Variants in SLC10A7 observed in about 807,000 individuals in gnomAD.
The protein encoded by SLC10A7 is solute carrier family 10 member 7, also known as sodium/bile acid cotransporter 7.
SLC10A7 carries 29 observed loss-of-function variants against 43.2 expected under a neutral mutation model. The ratio of observed to expected loss-of-function variants is 0.67; its 90% CI spans 0.50 to 0.92. SLC10A7 has a LOEUF of 0.92. SLC10A7 is among the 40% of genes least tolerant of loss of function. SLC10A7 has a pLI of 0.00. For missense variants in SLC10A7, 295 were observed against 403.2 expected (o/e 0.73, Z 2.30); for synonymous variants, 152 against 144.8 (o/e 1.05, Z -0.35).
intron 10 of SLC10A7, among the ~76,000 whole-genome samples, chr4:146,268,058 C>T (rs554025725): frequency 6.6e-5 from 10 of 152,162 alleles, no homozygotes; most frequent in African/African-American, 1.4e-4. Flanking sequence ...CCACACAGGA[C>T]GTGTCAGCCA....
chr4:146,333,460 G>A (rs1733671584), intron 5 of SLC10A7, among the ~76,000 whole-genome samples: 1 of 152,104 alleles, frequency 6.6e-6, no homozygotes, highest in Non-Finnish European at 1.5e-5. Context: ...AGTGAGCTAT[G>A]AGAGTGCTTA....
At chr4:146,273,980 T>G (rs561630472) in intron 10 of SLC10A7, among the ~76,000 whole-genome samples, 1 of 152,052 alleles carries the variant, frequency 6.6e-6, no homozygotes, top group Non-Finnish European at 1.5e-5. Flanking sequence ...CAGTAATAAT[T>G]GTGTTGTAAG....
At chr4:146,489,480 T>C (rs1735205875) in intron 4 of SLC10A7, among the ~76,000 whole-genome samples, 1 of 152,304 alleles carries the variant, frequency 6.6e-6, no homozygotes, top group East Asian at 1.9e-4. Flanking sequence ...AATTAATATA[T>C]GTAAAGCACT....
chr4:146,349,244 A>G (rs1360518978), intron 5 of SLC10A7, among the ~76,000 whole-genome samples: 2 of 152,182 alleles, frequency 1.3e-5, no homozygotes, highest in Non-Finnish European at 2.9e-5. Context: ...AGCAGCCAAA[A>G]AATACATGAA....
chr4:146,356,826 T>C (rs923197331), intron 5 of SLC10A7, among the ~76,000 whole-genome samples: 1 of 152,216 alleles, frequency 6.6e-6, no homozygotes, highest in African/African-American at 2.4e-5. Context: ...AATCAACAAA[T>C]GGCTAGAAGT....
intron 5 of SLC10A7, among the ~76,000 whole-genome samples, chr4:146,436,393 A>G (rs1053400474): frequency 2.0e-5 from 3 of 152,134 alleles, no homozygotes; most frequent in African/African-American, 7.2e-5. Flanking sequence ...CCATATTTTT[A>G]ACTCTGCAAA....
chr4:146,375,253 C>A (rs1001004195), intron 5 of SLC10A7, among the ~76,000 whole-genome samples: 5 of 151,972 alleles, frequency 3.3e-5, no homozygotes, highest in Non-Finnish European at 5.9e-5. Flanking sequence ...CAACAAAAAA[C>A]CAAACAGTAT....
At position 146,256,457 on chromosome 4, in the gene SLC10A7, T is replaced by C. The variant is rs765723496; in HGVS notation, c.*34A>G. 26 of 1,610,062 alleles carry C rather than the reference T, an allele frequency of 1.6e-5. No homozygotes were observed. The highest frequency in any genetic ancestry group is 2.2e-5 in the East Asian group (1 of 44,876). ...TTGCTAGTATGTACAATCCTGTACATATATACATTGCTACAGAAAGTCCAC... is the reference window on the plus strand; with the variant it reads ...TTGCTAGTATGTACAATCCTGTACACATATACATTGCTACAGAAAGTCCAC... On this transcript the variant is annotated 3_prime_UTR_variant, in exon 12 of 12. Transcript: ENST00000335472.
At chr4:146,501,464 T>C (rs1736412681) in intron 4 of SLC10A7, among the ~76,000 whole-genome samples, 7 of 152,186 alleles carry the variant, frequency 4.6e-5, no homozygotes, top group Admixed American at 4.6e-4. Context: ...TGAGCAGAAG[T>C]GCCATGTATC....
At chr4:146,438,487 G>A (rs1034380734) in intron 5 of SLC10A7, among the ~76,000 whole-genome samples, 2 of 151,948 alleles carry the variant, frequency 1.3e-5, no homozygotes, top group African/African-American at 4.8e-5. Flanking sequence ...TGCTGTTTCT[G>A]AAATTCTTAT....
At chr4:146,378,318 A>G (rs1270411574) in intron 5 of SLC10A7, among the ~76,000 whole-genome samples, 1 of 152,210 alleles carries the variant, frequency 6.6e-6, no homozygotes, top group Non-Finnish European at 1.5e-5. Context: ...TTTAGAAAAC[A>G]TGGGAGAATA....
chr4:146,496,460 C>A (rs1012457388), intron 4 of SLC10A7, among the ~76,000 whole-genome samples: 3 of 152,136 alleles, frequency 2.0e-5, no homozygotes, highest in African/African-American at 7.2e-5. Flanking sequence ...ATTCCCCTCC[C>A]CCTAGGTGGA....
chr4:146,520,041 T>G (rs1035460222), intron 1 of SLC10A7, among the ~76,000 whole-genome samples: 1 of 152,174 alleles, frequency 6.6e-6, no homozygotes, highest in Admixed American at 6.5e-5. Context: ...CGGAAATGAT[T>G]CAGCATTCAA....
intron 5 of SLC10A7, among the ~76,000 whole-genome samples, chr4:146,431,150 C>A (rs575719797): frequency 1.3e-5 from 2 of 152,000 alleles, no homozygotes; most frequent in Non-Finnish European, 2.9e-5. Flanking sequence ...TAAGTAATTG[C>A]GTTAATGTCA....
At chr4:146,267,437 T>G (rs1220964105) in intron 10 of SLC10A7, among the ~76,000 whole-genome samples, 1 of 152,098 alleles carries the variant, frequency 6.6e-6, no homozygotes, top group Non-Finnish European at 1.5e-5. Flanking sequence ...TTCTGCAGAG[T>G]CCCCCAGGAA....
intron 5 of SLC10A7, among the ~76,000 whole-genome samples, chr4:146,427,564 T>C (rs1213880222): frequency 6.6e-6 from 1 of 152,064 alleles, no homozygotes; most frequent in Admixed American, 6.6e-5. Flanking sequence ...TGAGGAAAAA[T>C]ATCTGTGAAT....
intron 5 of SLC10A7, among the ~76,000 whole-genome samples, chr4:146,427,525 G>T (rs1384989822): frequency 6.6e-6 from 1 of 152,082 alleles, no homozygotes; most frequent in African/African-American, 2.4e-5. Flanking sequence ...GAGACATATG[G>T]TGATATGGAA....
chr4:146,513,121 C>T (rs930409003), intron 2 of SLC10A7, among the ~76,000 whole-genome samples: 2 of 151,342 alleles, frequency 1.3e-5, no homozygotes, highest in South Asian at 2.1e-4. Flanking sequence ...GAGAAGAAAA[C>T]TGGATAGTTG....
chr4:146,313,704 TAGAC>T (rs1481335920), intron 6 of SLC10A7, among the ~76,000 whole-genome samples: 2 of 152,186 alleles, frequency 1.3e-5, no homozygotes, highest in Non-Finnish European at 2.9e-5. Flanking sequence ...TTTTCTATCA[TAGAC>T]AGCAAATTAC....
Sources: gnomAD v4.1 joint callset for allele counts (sites outside exome capture counted in the v4.1 genomes callset) on GRCh38, gnomAD v4.1.1 for gene constraint, MANE v1.5 for transcripts, NCBI Gene and HGNC (gene_info 2026-07-23, HGNC 2026-07-21) for gene names.